DLG2: variants seen among roughly 807,000 people sequenced by gnomAD.
DLG2 encodes the protein discs large MAGUK scaffold protein 2.
A neutral mutation model predicts 132.5 loss-of-function variants in DLG2; 45 were observed. The observed-to-expected ratio is 0.34, with a 90% confidence interval of 0.27 to 0.44. DLG2 has a LOEUF of 0.44. Ranked by LOEUF, DLG2 falls within the 20% of genes least tolerant of loss-of-function variation. DLG2 has a pLI of 1.00. For missense variants in DLG2, 1,045 were observed against 1,196.9 expected, an observed-to-expected ratio of 0.87 and a Z score of 1.87; for synonymous variants, 424 against 419.6, an observed-to-expected ratio of 1.01 and a Z score of -0.13.
chr11:84,708,931 A>T (rs2060070944), intron 6 of DLG2, among the ~76,000 whole-genome samples: 1 of 151,936 alleles, frequency 6.6e-6, no homozygotes, highest in African/African-American at 2.4e-5. Flanking sequence ...ACTAATATTT[A>T]AAACAAAATT....
chr11:83,918,469 G>A (rs1283791134), intron 15 of DLG2, among the ~76,000 whole-genome samples: 1 of 152,052 alleles, frequency 6.6e-6, no homozygotes, highest in Non-Finnish European at 1.5e-5. Context: ...AAGGTATATC[G>A]TCTTCTAAGA....
intron 7 of DLG2, among the ~76,000 whole-genome samples, chr11:84,456,632 G>A (rs1341268199): frequency 1.3e-5 from 2 of 151,238 alleles, no homozygotes; most frequent in Non-Finnish European, 3.0e-5. Context: ...TATTCATATG[G>A]TCACTCCTTC....
chr11:84,181,632 A>G (rs1440619659), intron 8 of DLG2, among the ~76,000 whole-genome samples: 2 of 152,166 alleles, frequency 1.3e-5, no homozygotes, highest in African/African-American at 4.8e-5. Flanking sequence ...GTCTACAAGA[A>G]AAACACCTTA....
intron 4 of DLG2, among the ~76,000 whole-genome samples, chr11:85,264,468 G>C (rs2077100442): frequency 6.6e-6 from 1 of 152,084 alleles, no homozygotes; most frequent in Admixed American, 6.5e-5. Flanking sequence ...AACTAAGATG[G>C]GGTGAAGTCC....
At chr11:85,319,114 A>G (rs1332058306) in intron 3 of DLG2, among the ~76,000 whole-genome samples, 2 of 151,870 alleles carry the variant, frequency 1.3e-5, no homozygotes, top group African/African-American at 2.4e-5. Context: ...CTTTTTATAC[A>G]TCCCTACTTC....
chr11:84,414,754 G>A (rs2098923144), intron 7 of DLG2, among the ~76,000 whole-genome samples: 1 of 152,202 alleles, frequency 6.6e-6, no homozygotes, highest in South Asian at 2.1e-4. Flanking sequence ...CTGCTGCAAA[G>A]TAGCTTCTTG....
chr11:84,909,496 G>C (rs1004109273), intron 6 of DLG2, among the ~76,000 whole-genome samples: 27 of 152,080 alleles, frequency 1.8e-4, no homozygotes, highest in African/African-American at 6.5e-4. Flanking sequence ...CACCTGACAG[G>C]TTTTAATCAT....
At chr11:84,377,417 C>T (rs1260944117) in intron 7 of DLG2, among the ~76,000 whole-genome samples, 2 of 151,786 alleles carry the variant, frequency 1.3e-5, no homozygotes, top group Non-Finnish European at 2.9e-5. Context: ...CATAAAATGA[C>T]ATTTTTGAAA....
At chr11:84,060,729 T>C (rs1594361066) in intron 10 of DLG2, among the ~76,000 whole-genome samples, 1 of 152,144 alleles carries the variant, frequency 6.6e-6, no homozygotes, top group East Asian at 1.9e-4. Context: ...CCTCACTCTG[T>C]ATATCCATTC....
Position 83,640,332 on chromosome 11 carries a change from G to A in DLG2, c.1826-7007C>T, listed in dbSNP as rs1440932783. Reference sequence around the variant, plus strand: ...AACTTCCAATATGGCTGGGGTAAATGTCAATGGTGTGTAGTCTGTTGGGGG... The same window carrying A: ...AACTTCCAATATGGCTGGGGTAAATATCAATGGTGTGTAGTCTGTTGGGGG... On this transcript the variant is annotated intron_variant, in intron 18 of 27. Transcript: ENST00000376104. Among the ~76,000 whole-genome samples the A allele has an allele frequency of 2.6e-5, 4 of 152,164 alleles. No homozygotes were observed. The East Asian group carries it at 7.7e-4, about 29-fold the overall frequency.
intron 6 of DLG2, among the ~76,000 whole-genome samples, chr11:84,617,442 CAT>C (rs2099606514): frequency 6.6e-6 from 1 of 152,080 alleles, no homozygotes; most frequent in East Asian, 1.9e-4. Flanking sequence ...CCAGAATAAA[CAT>C]ATGTTTGCAT....
intron 3 of DLG2, among the ~76,000 whole-genome samples, chr11:85,574,772 G>A (rs1405678930): frequency 1.3e-5 from 2 of 152,112 alleles, no homozygotes; most frequent in Non-Finnish European, 2.9e-5. Context: ...AGCTTCCTGT[G>A]GCCTCACCAG....
At position 83,600,321 on chromosome 11, in the gene DLG2, C is replaced by A. The variant is rs1175785250; in HGVS notation, c.1940+32890G>T. Among the ~76,000 whole-genome samples, 5 of 151,744 alleles carry A rather than the reference C, an allele frequency of 3.3e-5. No individual in the cohort carries two copies. The East Asian group carries it at 7.7e-4, about 23-fold the overall frequency. ...ATCCAGCTGAGCTCTCCATTTTACTCTTTCCTGTTCCTATTGGAACCAGCC... is the reference window on the plus strand; with the variant it reads ...ATCCAGCTGAGCTCTCCATTTTACTATTTCCTGTTCCTATTGGAACCAGCC... On this transcript the variant is annotated intron_variant, in intron 19 of 27. Transcript: ENST00000376104.
At chr11:85,534,931 G>T (rs1419339127) in intron 3 of DLG2, among the ~76,000 whole-genome samples, 1 of 152,142 alleles carries the variant, frequency 6.6e-6, no homozygotes, top group Non-Finnish European at 1.5e-5. Context: ...TTCCACAAGG[G>T]CTAAACTAAT....
chr11:85,405,901 A>T (rs79342441), intron 3 of DLG2, among the ~76,000 whole-genome samples: 2 of 152,146 alleles, frequency 1.3e-5, no homozygotes, highest in African/African-American at 4.8e-5. Context: ...AGATCAGAAG[A>T]TATGCTTTAA....
rs550205827 is a variant in DLG2 at position 83,952,646 on chromosome 11, A to G, written c.1340+10239T>C. Among the ~76,000 whole-genome samples, 9 of 152,248 alleles carry G rather than the reference A, an allele frequency of 5.9e-5. No homozygotes were observed. In the South Asian group the frequency reaches 1.9e-3, roughly 32 times the overall value. On this transcript the variant is annotated intron_variant, in intron 14 of 27. Transcript: ENST00000376104. Reference sequence around the variant, plus strand: ...GCTACTAAACATGTTTTTGAAGACTAAGAACATTAGAAAATTCTCAAGATA... The same window carrying G: ...GCTACTAAACATGTTTTTGAAGACTGAGAACATTAGAAAATTCTCAAGATA...
At chr11:85,513,397 A>T (rs903309868) in intron 3 of DLG2, among the ~76,000 whole-genome samples, 6 of 152,050 alleles carry the variant, frequency 3.9e-5, no homozygotes, top group Non-Finnish European at 7.4e-5. Flanking sequence ...AAAAAGGTAA[A>T]CATTATGGAT....
At position 85,147,705 on chromosome 11, in the gene DLG2, T is replaced by A. The variant is rs183705916; in HGVS notation, c.282+6851A>T. On this transcript the variant is annotated intron_variant, in intron 5 of 27. Transcript: ENST00000376104. The stretch of plus-strand genomic sequence containing the variant: ...ACTGACTTACCCAAAGTTATTTAAC[T>A]ACTGACTTGATGAACCAGTATGGTC... Among the ~76,000 whole-genome samples the A allele has an allele frequency of 1.6e-3, 242 of 152,314 alleles. 3 individuals carry two copies. Among genetic ancestry groups the A allele is most frequent in the African/African-American group, 5.7e-3 (235 of 41,568 alleles).
At chr11:84,442,607 C>T (rs1361146885) in intron 7 of DLG2, among the ~76,000 whole-genome samples, 2 of 151,684 alleles carry the variant, frequency 1.3e-5, no homozygotes, top group Non-Finnish European at 2.9e-5. Context: ...TGCAGCAAAC[C>T]ACCACGGCAC....
Sources: allele counts gnomAD v4.1 joint callset (sites outside exome capture counted in the v4.1 genomes callset), GRCh38; gene constraint gnomAD v4.1.1; transcripts MANE v1.5; gene names NCBI Gene and HGNC (gene_info 2026-07-23, HGNC 2026-07-21).